Variants in SVIL observed in about 807,000 individuals in gnomAD.
SVIL encodes the protein supervillin.
SVIL carries 101 observed loss-of-function variants against 240.4 expected under a neutral mutation model. The observed-to-expected ratio is 0.42, with a 90% confidence interval of 0.36 to 0.50. SVIL has a LOEUF of 0.50. Among genes scored for constraint, SVIL ranks in the 20% least tolerant of loss-of-function variants. The probability of loss-of-function intolerance (pLI) is 0.01; values close to 1 mark genes in which losing one functional copy is unlikely to be tolerated. For missense variants in SVIL, 2,512 were observed against 2,818.7 expected (o/e 0.89, Z 2.46); for synonymous variants, 999 against 1,100.0 (o/e 0.91, Z 1.82).
At chr10:29,666,037 T>C (rs1429816320) in intron 2 of SVIL, among the ~76,000 whole-genome samples, 1 of 152,180 alleles carries the variant, frequency 6.6e-6, no homozygotes, top group Non-Finnish European at 1.5e-5. Context: ...CTCCTTAGCG[T>C]CTCAACAGTA....
In SVIL at chr10:29,651,618, TTCTC is replaced by T. The variant is rs9299622; in HGVS notation, c.-201+6347_-201+6350del. 7.2e-3 allele frequency among the ~76,000 whole-genome samples: 981 copies of T among 135,366 alleles called. 13 individuals carry two copies. Among genetic ancestry groups the T allele is most frequent in the African/African-American group, 0.024 (853 of 36,010 alleles). The allele number at this position is 135,366 out of a possible 152,430, so 88.8% of individuals were successfully genotyped here. A position where few individuals can be genotyped will look rare whatever the true frequency, so the allele number is the denominator to read the frequency against. ...TCTACCTCATCCTGTGCCACATGCATTCTCTCTCTCTCTCTCTCTCTCTCTCTCT... is the reference window on the plus strand; with the variant it reads ...TCTACCTCATCCTGTGCCACATGCATTCTCTCTCTCTCTCTCTCTCTCTCT... On this transcript the variant is annotated intron_variant, in intron 3 of 35. Coordinates refer to the SVIL transcript ENST00000375400.
intron 1 of SVIL, among the ~76,000 whole-genome samples, chr10:29,714,393 C>T (rs1474978509): frequency 6.6e-6 from 1 of 152,168 alleles, no homozygotes; most frequent in Non-Finnish European, 1.5e-5. Context: ...GTGAGGTGAA[C>T]TGATTGGACA....
intron 1 of SVIL, among the ~76,000 whole-genome samples, chr10:29,714,701 T>G (rs1963509473): frequency 6.6e-6 from 1 of 152,180 alleles, no homozygotes; most frequent in African/African-American, 2.4e-5. Context: ...GACTCATGCC[T>G]GTAATCCCAG....
intron 1 of SVIL, among the ~76,000 whole-genome samples, chr10:29,717,046 G>A (rs1049422771): frequency 6.6e-6 from 1 of 151,984 alleles, no homozygotes; most frequent in African/African-American, 2.4e-5. Flanking sequence ...TGGCTAACAT[G>A]GTGAAACTCT....
chr10:29,593,748 AAATC>A (rs1956477152), intron 1 of SVIL, among the ~76,000 whole-genome samples: 1 of 152,266 alleles, frequency 6.6e-6, no homozygotes, highest in African/African-American at 2.4e-5. Context: ...AATAGTCAAT[AAATC>A]AATCCTATAA....
intron 1 of SVIL, among the ~76,000 whole-genome samples, chr10:29,612,192 T>C (rs568709971): frequency 1.3e-5 from 2 of 152,240 alleles, no homozygotes; most frequent in East Asian, 3.9e-4. Context: ...GTGAGGTCAT[T>C]CGAGCAAGGG....
chr10:29,608,497 C>T (rs914791854), intron 1 of SVIL, among the ~76,000 whole-genome samples: 4 of 152,212 alleles, frequency 2.6e-5, no homozygotes, highest in Non-Finnish European at 5.9e-5. Context: ...TTGCAGCTGC[C>T]CAGCCGTGGA....
chr10:29,596,394 G>A (rs1956589943), intron 1 of SVIL, among the ~76,000 whole-genome samples: 1 of 152,160 alleles, frequency 6.6e-6, no homozygotes, highest in African/African-American at 2.4e-5. Context: ...GATCACTTAA[G>A]CCCAGGAGTT....
intron 17 of SVIL, among the ~76,000 whole-genome samples, chr10:29,503,754 T>G (rs1258139539): frequency 6.6e-6 from 1 of 152,256 alleles, no homozygotes; most frequent in Non-Finnish European, 1.5e-5. Context: ...GAAGACTCAA[T>G]TTTGTTAAGA....
chr10:29,490,696 A>C, intron 22 of SVIL, 151 bp downstream of exon 22: 1 of 833,266 alleles, frequency 1.2e-6, no homozygotes, highest in Non-Finnish European at 1.8e-6. Flanking sequence ...AGGTGCGTGC[A>C]CATGTATGTG....
At chr10:29,528,944 G>A (rs1290167317) in intron 12 of SVIL, among the ~76,000 whole-genome samples, 2 of 151,960 alleles carry the variant, frequency 1.3e-5, no homozygotes, top group African/African-American at 4.8e-5. Flanking sequence ...TTGGGAGGCT[G>A]AGGCATGGAT....
At chr10:29,471,273 AGGGGCGC>A in intron 30 of SVIL, 30 bp from the exon 31 acceptor site, 1 of 1,558,758 alleles carries the variant, frequency 6.4e-7, no homozygotes. Context: ...TAAATAGGTA[AGGGGCGC>A]GGGGCTTTCA....
Position 29,463,562 on chromosome 10 carries a change from A to G in SVIL, c.6207T>C (p.Thr2069=). ...QGWWPIENKI[T]GSARIRWASD... is the part of the protein sequence containing the mutation. ...AGGCCCAGCGGATGCGGGCGGAACC[A>G]GTGATCTTGTTCTCGATGGGCCACC... The change falls in exon 35 of 38, where the codon ACT becomes ACC. Residue 2069 remains threonine (T), a synonymous_variant. Coordinates refer to ENST00000355867, the MANE Select transcript of SVIL (RefSeq NM_021738.3). 1 of 1,614,122 alleles carries G rather than the reference A, an allele frequency of 6.2e-7. No individual in the cohort carries two copies. Among genetic ancestry groups the G allele is most frequent in the East Asian group, 2.2e-5 (1 of 44,866 alleles).
At position 29,697,699 on chromosome 10, in the gene SVIL, CTTTGTTCACTTG is replaced by C. The variant is rs1437805146; in HGVS notation, c.-399-11060_-399-11049del. Among the ~76,000 whole-genome samples the C allele has an allele frequency of 9.4e-5, 10 of 106,700 alleles. 1 individual carries two copies. Among genetic ancestry groups the C allele is most frequent in the African/African-American group, 3.4e-4 (8 of 23,738 alleles). 70.0% of individuals were successfully genotyped at this position (106,700 alleles called of 152,430 possible). A position where few individuals can be genotyped will look rare whatever the true frequency, so the allele number is the denominator to read the frequency against. ...CACTCTGCCTAGGAAAACCAGAGAC[CTTTGTTCACTTG>C]TTTGTCTGCTGACCTTCCCTCCACT... On this transcript the variant is annotated intron_variant, in intron 1 of 35. Transcript: ENST00000375400.
intron 3 of SVIL, among the ~76,000 whole-genome samples, chr10:29,657,229 T>C (rs1589462402): frequency 6.6e-6 from 1 of 152,150 alleles, no homozygotes; most frequent in Admixed American, 6.5e-5. Flanking sequence ...TTTTGCTGCA[T>C]CCCTAGCATC....
At chr10:29,514,972 T>G (rs1452185551) in intron 16 of SVIL, among the ~76,000 whole-genome samples, 1 of 152,216 alleles carries the variant, frequency 6.6e-6, no homozygotes, top group Non-Finnish European at 1.5e-5. Context: ...TATTTGTCTA[T>G]TCACTCAGTC....
intron 12 of SVIL, among the ~76,000 whole-genome samples, chr10:29,529,480 A>G (rs1268956944): frequency 1.3e-5 from 2 of 152,218 alleles, no homozygotes; most frequent in Admixed American, 1.3e-4. Context: ...ATGCAGAGAC[A>G]GAAACAAAAT....
At chr10:29,701,278 T>G (rs1484165493) in intron 1 of SVIL, among the ~76,000 whole-genome samples, 2 of 152,154 alleles carry the variant, frequency 1.3e-5, no homozygotes, top group East Asian at 1.9e-4. Context: ...CTTTTTGGGT[T>G]GAAGCTGGAA....
intron 17 of SVIL, among the ~76,000 whole-genome samples, chr10:29,502,696 G>GGT (rs370981986): frequency 3.3e-5 from 5 of 151,448 alleles, no homozygotes; most frequent in African/African-American, 7.3e-5. Flanking sequence ...TGGGTGGGTG[G>GGT]GTGTGTGTGT....
Sources: gnomAD v4.1 joint callset for allele counts (sites outside exome capture counted in the v4.1 genomes callset) on GRCh38, gnomAD v4.1.1 for gene constraint, MANE v1.5 for transcripts, NCBI Gene and HGNC (gene_info 2026-07-23, HGNC 2026-07-21) for gene names.